STK10: variants seen among roughly 807,000 people sequenced by gnomAD.
STK10 encodes the protein serine/threonine kinase 10, also known as serine/threonine-protein kinase 10.
STK10 carries 78 observed loss-of-function variants against 113.8 expected under a neutral mutation model. That is an observed-to-expected ratio of 0.69 (90% CI 0.57 to 0.83). The LOEUF (loss-of-function observed/expected upper bound fraction) is 0.83. Among genes scored for constraint, STK10 ranks in the 40% least tolerant of loss-of-function variants. STK10 has a pLI of 0.00. For synonymous variants in STK10, 465 were observed against 494.7 expected (o/e 0.94, Z 0.80); for missense variants, 1,109 against 1,280.1 (o/e 0.87, Z 2.04).
Position 172,159,748 on chromosome 5 carries a change from G to A in STK10, c.157-2960C>T, listed in dbSNP as rs892913878. Among the ~76,000 whole-genome samples, 6 of 152,154 alleles carry A rather than the reference G, an allele frequency of 3.9e-5. No individual in the cohort carries two copies. The South Asian group carries it at 6.2e-4, about 16-fold the overall frequency. ...TGAGGCACAAGAATTGCTTGAACCCGGAAGGCAGAGGTTGCAGTGAGCCAA... is the reference window on the plus strand; with the variant it reads ...TGAGGCACAAGAATTGCTTGAACCCAGAAGGCAGAGGTTGCAGTGAGCCAA... On this transcript the variant is annotated intron_variant, in intron 1 of 18. Transcript: ENST00000176763.
chr5:172,070,254 A>AAT (rs1223472267), intron 12 of STK10, among the ~76,000 whole-genome samples: 18 of 146,972 alleles, frequency 1.2e-4, no homozygotes, highest in African/African-American at 2.3e-4. Context: ...ACCTCAAAAA[A>AAT]ATATATATCT....
chr5:172,184,690 C>T (rs1193018088), intron 1 of STK10, among the ~76,000 whole-genome samples: 1 of 152,096 alleles, frequency 6.6e-6, no homozygotes, highest in Admixed American at 6.6e-5. Flanking sequence ...CTCCCTCTGT[C>T]CCCCAGACTC....
At chr5:172,184,058 C>T (rs1052892292) in intron 1 of STK10, among the ~76,000 whole-genome samples, 7 of 152,124 alleles carry the variant, frequency 4.6e-5, no homozygotes, top group Non-Finnish European at 7.3e-5. Flanking sequence ...AGGAAGCCTT[C>T]GACACTTAGG....
At chr5:172,092,779 TTCCAGC>T (rs1768747742) in intron 9 of STK10, 1 of 152,214 alleles carries the variant, frequency 6.6e-6, no homozygotes, top group African/African-American at 2.4e-5. Flanking sequence ...AGTCAGCCCC[TTCCAGC>T]TCCCTAAGAA....
chr5:172,058,647 T>G (rs1421898854), intron 14 of STK10, among the ~76,000 whole-genome samples: 2 of 152,102 alleles, frequency 1.3e-5, no homozygotes, highest in Non-Finnish European at 2.9e-5. Context: ...CCCAGCATTT[T>G]GGGAGGCTGA....
chr5:172,154,338 C>T (rs1289043841), intron 2 of STK10, among the ~76,000 whole-genome samples: 3 of 152,208 alleles, frequency 2.0e-5, no homozygotes, highest in Admixed American at 2.0e-4. Context: ...CCTTCTACAA[C>T]ATGGCCCCCA....
intron 2 of STK10, among the ~76,000 whole-genome samples, chr5:172,128,487 C>T (rs763962139): frequency 1.3e-4 from 20 of 152,272 alleles, no homozygotes; most frequent in Non-Finnish European, 2.2e-4. Context: ...CCTGCCACCA[C>T]ACCTGGCTAA....
At chr5:172,176,948 T>G (rs1198006072) in intron 1 of STK10, among the ~76,000 whole-genome samples, 1 of 151,804 alleles carries the variant, frequency 6.6e-6, no homozygotes, top group East Asian at 1.9e-4. Flanking sequence ...CCGAGGCGAG[T>G]GGATCACTTG....
At chr5:172,126,175 G>A (rs972906618) in intron 3 of STK10, among the ~76,000 whole-genome samples, 1 of 152,226 alleles carries the variant, frequency 6.6e-6, no homozygotes, top group Non-Finnish European at 1.5e-5. Flanking sequence ...CGGGGATGCT[G>A]CAGGATGGGC....
intron 9 of STK10, among the ~76,000 whole-genome samples, chr5:172,090,581 G>A (rs1009356076): frequency 6.6e-6 from 1 of 152,054 alleles, no homozygotes; most frequent in Non-Finnish European, 1.5e-5. Flanking sequence ...CAGAAACTGT[G>A]CTGAGGCCTC....
chr5:172,064,608 C>G (rs1280464480), intron 13 of STK10, 112 bp downstream of exon 13: 5 of 1,110,576 alleles, frequency 4.5e-6, no homozygotes, highest in Non-Finnish European at 5.4e-6. Flanking sequence ...TTTAGGTATT[C>G]AGAACGGGGT....
intron 1 of STK10, among the ~76,000 whole-genome samples, chr5:172,182,953 T>A (rs112128863): frequency 0.18 from 27,642 of 151,990 alleles, 2,780 homozygotes; most frequent in African/African-American, 0.28. Flanking sequence ...ATACCTATAA[T>A]CCCAGCACTT....
chr5:172,157,758 ATT>A (rs528345865), intron 1 of STK10, among the ~76,000 whole-genome samples: 371 of 151,620 alleles, frequency 2.4e-3, no homozygotes, highest in African/African-American at 8.6e-3. Context: ...GCCTGGCTAA[ATT>A]TTGTGTTTTT....
At chr5:172,141,746 A>G (rs1769976415) in intron 2 of STK10, among the ~76,000 whole-genome samples, 1 of 152,110 alleles carries the variant, frequency 6.6e-6, no homozygotes, top group African/African-American at 2.4e-5. Context: ...TGGCAACCTC[A>G]GCCTATATGC....
intron 10 of STK10, among the ~76,000 whole-genome samples, chr5:172,089,173 C>T (rs1170470261): frequency 6.6e-6 from 1 of 152,234 alleles, no homozygotes; most frequent in Non-Finnish European, 1.5e-5. Flanking sequence ...GCTCTCCTCC[C>T]CTTATCCTTT....
chr5:172,177,422 G>A (rs1233134854), intron 1 of STK10, among the ~76,000 whole-genome samples: 1 of 152,216 alleles, frequency 6.6e-6, no homozygotes, highest in East Asian at 1.9e-4. Flanking sequence ...AAATGCTATT[G>A]CAGATCTGGC....
intron 1 of STK10, among the ~76,000 whole-genome samples, chr5:172,166,039 C>T (rs1162213609): frequency 6.6e-6 from 1 of 152,210 alleles, no homozygotes; most frequent in Admixed American, 6.5e-5. Flanking sequence ...GTGATCCGCC[C>T]ACCTTGGCCT....
intron 1 of STK10, among the ~76,000 whole-genome samples, chr5:172,178,343 C>A (rs746822825): frequency 6.6e-6 from 1 of 152,192 alleles, no homozygotes; most frequent in African/African-American, 2.4e-5. Flanking sequence ...CGGCCTCTCT[C>A]CTGGCCTGGA....
intron 2 of STK10, among the ~76,000 whole-genome samples, chr5:172,148,278 G>A (rs1770127361): frequency 6.6e-6 from 1 of 152,170 alleles, no homozygotes; most frequent in Non-Finnish European, 1.5e-5. Flanking sequence ...ATGATCAACT[G>A]AAGGAATGAG....
Sources: allele counts gnomAD v4.1 joint callset (sites outside exome capture counted in the v4.1 genomes callset), GRCh38; gene constraint gnomAD v4.1.1; transcripts MANE v1.5; gene names NCBI Gene and HGNC (gene_info 2026-07-23, HGNC 2026-07-21).